Variants in DNAAF19 observed in about 807,000 individuals in gnomAD.
DNAAF19 encodes coiled-coil domain containing 103.
chr17:44,903,174 A>C, the DNAAF19 span: 2 of 1,267,192 alleles, frequency 1.6e-6, no homozygotes, highest in Non-Finnish European at 2.0e-6. Flanking sequence ...GGGAAAAAGC[A>C]AAATCTTTAT....
chr17:44,903,783 A>G, the DNAAF19 span: 1 of 1,512,132 alleles, frequency 6.6e-7, no homozygotes, highest in Non-Finnish European at 8.9e-7. Flanking sequence ...ATGAGCCTTT[A>G]ATGCCCTGGT....
the DNAAF19 span, among the ~76,000 whole-genome samples, chr17:44,900,067 G>A: frequency 6.6e-6 from 1 of 152,102 alleles, no homozygotes; most frequent in African/African-American, 2.4e-5. Context: ...CTAGGAGTTT[G>A]CAGTTCAGAG....
the DNAAF19 span, chr17:44,904,394 C>T: frequency 3.4e-5 from 53 of 1,542,106 alleles, no homozygotes; most frequent in Non-Finnish European, 4.3e-5. Flanking sequence ...GGAGCAGTGG[C>T]GCATCGGCCT....
At chr17:44,900,775 C>G in the DNAAF19 span, among the ~76,000 whole-genome samples, 9 of 152,178 alleles carry the variant, frequency 5.9e-5, no homozygotes, top group African/African-American at 2.2e-4. Flanking sequence ...ACTCTGTATT[C>G]TATTTTCAGG....
chr17:44,905,187 C>T, the DNAAF19 span: 1 of 765,048 alleles, frequency 1.3e-6, no homozygotes, highest in Non-Finnish European at 2.1e-6. Flanking sequence ...GTGGACAAAT[C>T]TGTTACAGCC....
chr17:44,902,747 A>G, the DNAAF19 span: 12 of 1,607,346 alleles, frequency 7.5e-6, no homozygotes, highest in East Asian at 2.2e-4. Flanking sequence ...GGTCTGGAGG[A>G]GCAGTCTGGT....
the DNAAF19 span, among the ~76,000 whole-genome samples, chr17:44,902,134 T>C: frequency 6.6e-6 from 1 of 152,158 alleles, no homozygotes. Context: ...GTAGGAAAAT[T>C]CCAGTATAAA....
chr17:44,905,138 T>A, the DNAAF19 span: 1 of 1,296,300 alleles, frequency 7.7e-7, no homozygotes, highest in Non-Finnish European at 1.1e-6. Flanking sequence ...CAGATGTCTC[T>A]GGGTGGGTAC....
chr17:44,904,500 G>A, the DNAAF19 span: 12 of 1,549,074 alleles, frequency 7.7e-6, no homozygotes, highest in South Asian at 3.6e-5. Flanking sequence ...AGGAAGCTGC[G>A]GACCAAGGCC....
chr17:44,904,499 C>T, the DNAAF19 span: 25 of 1,548,626 alleles, frequency 1.6e-5, no homozygotes, highest in Admixed American at 9.8e-5. Context: ...AAGGAAGCTG[C>T]GGACCAAGGC....
chr17:44,904,601 A>T, the DNAAF19 span: 1 of 1,550,590 alleles, frequency 6.4e-7, no homozygotes, highest in African/African-American at 1.4e-5. Flanking sequence ...GGCCATCATT[A>T]ACTATGTGTC....
At chr17:44,901,217 C>T in the DNAAF19 span, 2 of 1,532,194 alleles carry the variant, frequency 1.3e-6, no homozygotes, top group Admixed American at 2.3e-5. Flanking sequence ...TCAAACCATT[C>T]TGGGCTTCAG....
chr17:44,901,598 C>T, the DNAAF19 span: 1 of 1,614,144 alleles, frequency 6.2e-7, no homozygotes, highest in Non-Finnish European at 8.5e-7. Context: ...TGCCCTGGAA[C>T]TGTCACACTA....
At chr17:44,902,192 C>G in the DNAAF19 span, 1 of 816,374 alleles carries the variant, frequency 1.2e-6, no homozygotes, top group Non-Finnish European at 2.1e-6. Context: ...CTCCCTGTTT[C>G]ATCCCCAGTT....
At chr17:44,901,042 A>C in the DNAAF19 span, 2 of 1,599,642 alleles carry the variant, frequency 1.3e-6, no homozygotes, top group South Asian at 2.3e-5. Context: ...TTGGAGAAAG[A>C]GCTGCAGGCT....
At chr17:44,903,758 C>G in the DNAAF19 span, 5 of 1,472,570 alleles carry the variant, frequency 3.4e-6, no homozygotes, top group South Asian at 7.1e-5. Context: ...CTTAGCAGAG[C>G]TTTCTAGGAG....
chr17:44,901,287 A>C, the DNAAF19 span: 224 of 1,066,606 alleles, frequency 2.1e-4, 2 homozygotes, highest in African/African-American at 3.4e-3. Context: ...TCTGAGTCTC[A>C]ATTATTTATC....
At chr17:44,904,191 G>A in the DNAAF19 span, 3 of 1,550,450 alleles carry the variant, frequency 1.9e-6, no homozygotes. Context: ...GAGGACTCAG[G>A]CCTGTACTTC....
the DNAAF19 span, chr17:44,903,861 G>A: frequency 1.3e-6 from 2 of 1,536,684 alleles, no homozygotes; most frequent in South Asian, 2.4e-5. Flanking sequence ...GTGCTCCTGT[G>A]GGCATGGGGG....
Sources: allele counts gnomAD v4.1 joint callset (sites outside exome capture counted in the v4.1 genomes callset), GRCh38; gene constraint gnomAD v4.1.1; transcripts MANE v1.5; gene names NCBI Gene and HGNC (gene_info 2026-07-23, HGNC 2026-07-21).